NAV3: variants seen among roughly 807,000 people sequenced by gnomAD.
NAV3 encodes the protein pore membrane and/or filament interacting like protein 1.
NAV3 carries 87 observed loss-of-function variants against 244.7 expected under a neutral mutation model. That is an observed-to-expected ratio of 0.36 (90% CI 0.30 to 0.42). The LOEUF is 0.42. NAV3 is among the 20% of genes least tolerant of loss of function. NAV3 has a pLI of 1.00. For missense variants in NAV3, 2,663 were observed against 2,893.3 expected (o/e 0.92, Z 1.83); for synonymous variants, 1,126 against 1,042.2 (o/e 1.08, Z -1.55).
At position 78,140,285 on chromosome 12, in the gene NAV3, A is replaced by G. The variant is rs753215950; in HGVS notation, c.4634A>G (p.His1545Arg). Residue 1545 changes from histidine to arginine, a missense_variant, in exon 20 of 40, where the codon CAT becomes CGT. Transcript: ENST00000397909. ...GSFRDSMEEV[H>R]GSSLSLVSST... is the part of the protein sequence containing the mutation. Reference sequence around the variant, plus strand: ...TTGTTCTGTTTGTTTTCTCCAGTTCATGGCTCTTCATTATCACTGGTGTCC... The same window carrying G: ...TTGTTCTGTTTGTTTTCTCCAGTTCGTGGCTCTTCATTATCACTGGTGTCC... The G allele has an allele frequency of 2.4e-5, 39 of 1,613,066 alleles. No homozygotes were observed. Among genetic ancestry groups the G allele is most frequent in the Non-Finnish European group, 3.2e-5 (38 of 1,179,326 alleles).
chr12:77,736,303 T>C (rs1419673721), intron 2 of NAV3, among the ~76,000 whole-genome samples: 2 of 152,218 alleles, frequency 1.3e-5, no homozygotes, highest in African/African-American at 4.8e-5. Context: ...AGAAGCAAAC[T>C]GTTTCAGTTT....
At chr12:77,742,935 C>G (rs1259818701) in intron 2 of NAV3, among the ~76,000 whole-genome samples, 1 of 151,958 alleles carries the variant, frequency 6.6e-6, no homozygotes, top group East Asian at 1.9e-4. Flanking sequence ...TAGTGCAATA[C>G]TGTAAACCTG....
chr12:78,189,637 T>G (rs1958886237), intron 33 of NAV3, among the ~76,000 whole-genome samples: 1 of 151,650 alleles, frequency 6.6e-6, no homozygotes. Context: ...GTCTTCACAT[T>G]TATTCTTAAC....
intron 1 of NAV3, among the ~76,000 whole-genome samples, chr12:77,925,073 T>G (rs1027768375): frequency 2.6e-5 from 4 of 152,082 alleles, no homozygotes; most frequent in African/African-American, 9.7e-5. Flanking sequence ...TTAACTTTAC[T>G]TTTTTGAAGG....
chr12:77,811,421 C>T (rs774327724), intron 2 of NAV3, among the ~76,000 whole-genome samples: 1 of 152,170 alleles, frequency 6.6e-6, no homozygotes, highest in African/African-American at 2.4e-5. Context: ...TTCACCTCCA[C>T]CACCATCAAG....
At chr12:77,657,697 A>C (rs1873189224) in intron 2 of NAV3, among the ~76,000 whole-genome samples, 1 of 152,166 alleles carries the variant, frequency 6.6e-6, no homozygotes, top group Admixed American at 6.6e-5. Context: ...ACATTGATGC[A>C]AAAATCCTCA....
rs746570416 is a variant in NAV3, at chr12:77,968,681, C to T, written c.650C>T (p.Thr217Ile). 8.1e-6 allele frequency: 13 copies of T among 1,614,000 alleles called. No individual in the cohort carries two copies. The East Asian group carries it at 1.6e-4, about 19-fold the overall frequency. Reference sequence around the variant, plus strand: ...CCATCGGAAGCCAGCCAGGCCAAAACCCAGCAAGATATGCAGTCCAGGTAA... The same window carrying T: ...CCATCGGAAGCCAGCCAGGCCAAAATCCAGCAAGATATGCAGTCCAGGTAA... ...SPPSEASQAK[T>I]QQDMQSSLAA... Residue 217 changes from threonine (T) to isoleucine (I), a missense_variant, in exon 5 of 40, where the codon ACC becomes ATC. Transcript: ENST00000397909.
chr12:77,943,990 T>C (rs1357682836), intron 3 of NAV3, among the ~76,000 whole-genome samples: 2 of 152,222 alleles, frequency 1.3e-5, no homozygotes, highest in African/African-American at 4.8e-5. Flanking sequence ...GTAATCAATA[T>C]TTACTAAGCA....
At chr12:78,051,849 C>T (rs1231131240) in intron 11 of NAV3, among the ~76,000 whole-genome samples, 1 of 152,162 alleles carries the variant, frequency 6.6e-6, no homozygotes, top group Non-Finnish European at 1.5e-5. Context: ...ATGTACTATG[C>T]TCTTGTCAAG....
chr12:77,904,974 C>T (rs1885805576), intron 1 of NAV3, among the ~76,000 whole-genome samples: 2 of 151,776 alleles, frequency 1.3e-5, no homozygotes, highest in Admixed American at 6.6e-5. Flanking sequence ...AGTAAGAAAG[C>T]GATTTGAAAT....
At chr12:77,660,016 G>A (rs945418681) in intron 2 of NAV3, among the ~76,000 whole-genome samples, 12 of 151,672 alleles carry the variant, frequency 7.9e-5, no homozygotes, top group African/African-American at 2.7e-4. Context: ...GCTAGATGAC[G>A]AGTTAGTGGG....
intron 24 of NAV3, among the ~76,000 whole-genome samples, chr12:78,171,062 A>T: frequency 6.6e-6 from 1 of 151,880 alleles, no homozygotes; most frequent in Middle Eastern, 3.4e-3. Context: ...GAATAAAGTA[A>T]TTTTTAAATG....
chr12:77,697,878 C>T (rs1320686621), intron 2 of NAV3, among the ~76,000 whole-genome samples: 1 of 152,044 alleles, frequency 6.6e-6, no homozygotes, highest in Non-Finnish European at 1.5e-5. Flanking sequence ...GACACTTGAA[C>T]TGAAACTTGA....
chr12:77,873,505 T>C (rs889001022), intron 1 of NAV3, among the ~76,000 whole-genome samples: 9 of 151,726 alleles, frequency 5.9e-5, no homozygotes, highest in African/African-American at 2.2e-4. Flanking sequence ...ATAATTTGAC[T>C]ATTTTAATAC....
intron 2 of NAV3, among the ~76,000 whole-genome samples, chr12:77,713,463 A>G (rs1354520773): frequency 6.6e-6 from 1 of 152,176 alleles, no homozygotes; most frequent in Admixed American, 6.5e-5. Flanking sequence ...CTTATAATGA[A>G]ACTTGATTTT....
At chr12:77,842,854 G>A (rs1224874754) in intron 1 of NAV3, among the ~76,000 whole-genome samples, 1 of 152,166 alleles carries the variant, frequency 6.6e-6, no homozygotes, top group Non-Finnish European at 1.5e-5. Context: ...TGTGGTATAA[G>A]ACTATTTGTA....
chr12:77,794,203 C>T (rs1037763895), intron 2 of NAV3, among the ~76,000 whole-genome samples: 1 of 151,988 alleles, frequency 6.6e-6, no homozygotes, highest in South Asian at 2.1e-4. Context: ...TTTTAAAGTT[C>T]CTTGTAGATT....
At chr12:77,719,284 C>T (rs557909076) in intron 2 of NAV3, among the ~76,000 whole-genome samples, 1 of 152,130 alleles carries the variant, frequency 6.6e-6, no homozygotes, top group South Asian at 2.1e-4. Flanking sequence ...TCCTTTATGA[C>T]TTGGATGCCT....
intron 2 of NAV3, among the ~76,000 whole-genome samples, chr12:77,674,713 G>A (rs768400640): frequency 1.3e-5 from 2 of 152,142 alleles, no homozygotes; most frequent in South Asian, 2.1e-4. Flanking sequence ...AAACTCAGTG[G>A]TTTTTGTTAA....
Sources: allele counts gnomAD v4.1 joint callset (sites outside exome capture counted in the v4.1 genomes callset), GRCh38; gene constraint gnomAD v4.1.1; transcripts MANE v1.5; gene names NCBI Gene and HGNC (gene_info 2026-07-23, HGNC 2026-07-21).